The following BCAT1 variants were observed in gnomAD, a reference collection of about 807,000 sequenced individuals.
BCAT1 encodes branched-chain-amino-acid aminotransferase, cytosolic.
Under a neutral mutation model 52.4 loss-of-function variants are expected in BCAT1, and 48 were observed. The observed-to-expected ratio is 0.92, with a 90% CI of 0.73 to 1.16. The LOEUF (loss-of-function observed/expected upper bound fraction) is 1.16, where lower values mean the gene tolerates loss of function less well. Among genes scored for constraint, BCAT1 ranks in the 50% most tolerant of loss-of-function variants. The pLI is 0.00. For missense variants in BCAT1, 451 were observed against 457.1 expected (o/e 0.99, Z 0.12); for synonymous variants, 167 against 161.3 (o/e 1.04, Z -0.27).
chr12:24,833,009 C>T, intron 8 of BCAT1, 146 bp from the exon 9 acceptor site: 1 of 836,296 alleles, frequency 1.2e-6, no homozygotes, highest in Non-Finnish European at 1.8e-6. Context: ...AGTGGCACAC[C>T]ATCTTACTGG....
At chr12:24,901,989 A>T (rs1031591145) in intron 1 of BCAT1, 104 bp from the exon 2 acceptor site, 3 of 1,602,476 alleles carry the variant, frequency 1.9e-6, no homozygotes, top group African/African-American at 2.7e-5. Flanking sequence ...CCTCTCCAGG[A>T]CCCAGGCAAA....
At chr12:24,852,859 G>A (rs971546657) in intron 5 of BCAT1, among the ~76,000 whole-genome samples, 17 of 152,116 alleles carry the variant, frequency 1.1e-4, no homozygotes, top group African/African-American at 3.9e-4. Context: ...TCACAGACTA[G>A]TCACCTTCAT....
chr12:24,828,314 A>T lies in BCAT1; in HGVS notation c.1119+1509T>A, dbSNP rs578118918. On this transcript the variant is annotated intron_variant, in intron 10 of 10. Transcript: ENST00000261192. The stretch of plus-strand genomic sequence containing the variant: ...AAATTACAGGATAATCTCTTTTCTG[A>T]GTAGCCCAGTGTTATCTGGTATTTA... Among the ~76,000 whole-genome samples the T allele has an allele frequency of 3.3e-5, 5 of 152,352 alleles. No individual in the cohort carries two copies. In the East Asian group the frequency reaches 9.6e-4, roughly 29 times the overall value.
chr12:24,869,851 C>T (rs1942131532), intron 5 of BCAT1, among the ~76,000 whole-genome samples: 1 of 152,194 alleles, frequency 6.6e-6, no homozygotes, highest in Non-Finnish European at 1.5e-5. Flanking sequence ...TTTTCACTTT[C>T]ACTCTTTTCT....
At chr12:24,834,480 A>G (rs1484991021) in intron 8 of BCAT1, 5 of 980,302 alleles carry the variant, frequency 5.1e-6, no homozygotes, top group Non-Finnish European at 6.1e-6. Context: ...TTCAAGTTCA[A>G]AGTTTGTCAA....
intron 1 of BCAT1, among the ~76,000 whole-genome samples, chr12:24,920,185 T>C (rs191159547): frequency 6.6e-6 from 1 of 152,340 alleles, no homozygotes; most frequent in East Asian, 1.9e-4. Flanking sequence ...CAGGAAGATC[T>C]CAATCTGTGT....
intron 5 of BCAT1, among the ~76,000 whole-genome samples, chr12:24,858,391 A>G (rs1941754317): frequency 6.6e-6 from 1 of 152,244 alleles, no homozygotes; most frequent in South Asian, 2.1e-4. Flanking sequence ...AATCAAATAT[A>G]TTGGTAAAAT....
At chr12:24,819,552 T>G (rs139929226) in intron 10 of BCAT1, among the ~76,000 whole-genome samples, 128 of 152,288 alleles carry the variant, frequency 8.4e-4, no homozygotes, top group Middle Eastern at 3.4e-3. Flanking sequence ...GAGCAATGAA[T>G]TTTAATCCAA....
intron 7 of BCAT1, among the ~76,000 whole-genome samples, chr12:24,837,436 ATTTT>A (rs35427447): frequency 8.2e-5 from 10 of 121,898 alleles, no homozygotes; most frequent in Admixed American, 8.5e-5. Flanking sequence ...GGAAAGTCTA[ATTTT>A]TTTTTTTTTT....
chr12:24,938,037 C>T (rs575065627), intron 1 of BCAT1, among the ~76,000 whole-genome samples: 2 of 152,120 alleles, frequency 1.3e-5, no homozygotes, highest in South Asian at 4.2e-4. Context: ...TCCACATGCA[C>T]CTTAAAATAA....
At chr12:24,830,706 AAAT>A (rs1297636386) in intron 9 of BCAT1, 1 of 152,238 alleles carries the variant, frequency 6.6e-6, no homozygotes, top group African/African-American at 2.4e-5. Flanking sequence ...TCTAGAAGTG[AAAT>A]AATAATTCAA....
chr12:24,880,560 C>T (rs1942463567), intron 4 of BCAT1, among the ~76,000 whole-genome samples: 1 of 152,142 alleles, frequency 6.6e-6, no homozygotes, highest in Non-Finnish European at 1.5e-5. Context: ...ATCTTTTTAT[C>T]TCAAAACATT....
intron 3 of BCAT1, among the ~76,000 whole-genome samples, chr12:24,893,819 GCT>G (rs1491187360): frequency 1.3e-5 from 2 of 152,262 alleles, no homozygotes; most frequent in South Asian, 4.2e-4. Flanking sequence ...TCAACTCATG[GCT>G]GAAGGAGGAC....
At chr12:24,818,196 A>T in intron 10 of BCAT1, 147 bp from the exon 11 acceptor site, 1 of 743,506 alleles carries the variant, frequency 1.3e-6, no homozygotes, top group Non-Finnish European at 2.3e-6. Flanking sequence ...TCACATTAAA[A>T]ACTGGATTAG....
chr12:24,893,727 G>C (rs1306441999), intron 3 of BCAT1, among the ~76,000 whole-genome samples: 1 of 152,170 alleles, frequency 6.6e-6, no homozygotes, highest in Non-Finnish European at 1.5e-5. Context: ...ACAATGGGAA[G>C]TATACTGTGC....
intron 6 of BCAT1, among the ~76,000 whole-genome samples, chr12:24,844,001 C>G (rs569662917): frequency 6.6e-6 from 1 of 152,250 alleles, no homozygotes; most frequent in East Asian, 1.9e-4. Flanking sequence ...CCTAGGCCAA[C>G]ATGGAGCCAG....
At position 24,878,590 on chromosome 12, in the gene BCAT1, T is replaced by G. The variant is rs1419760722; in HGVS notation, c.450A>C (p.Glu150Asp). The change falls in exon 5 of 11, where the codon GAA becomes GAC. Residue 150 changes from glutamate to aspartate, a missense_variant. Transcript: ENST00000261192. The part of the protein sequence containing the change: ...CIQQLVKLDQ[E>D]WVPYSTSASL... ...TAGCAGATGTTGAATATGGGACCCA[T>G]TCTTGATCCAATTTCACAAGCTGTT... 6.2e-7 allele frequency: 1 copy of G among 1,610,502 alleles called. No homozygotes were observed. The highest frequency in any genetic ancestry group is 2.2e-5 in the East Asian group (1 of 44,804).
chr12:24,932,150 A>G (rs554042415), intron 1 of BCAT1, among the ~76,000 whole-genome samples: 43 of 152,320 alleles, frequency 2.8e-4, no homozygotes, highest in Middle Eastern at 3.4e-3. Flanking sequence ...GTATAAGGGG[A>G]AAAAAATGTA....
intron 5 of BCAT1, among the ~76,000 whole-genome samples, chr12:24,853,588 A>C (rs545117938): frequency 6.6e-6 from 1 of 152,106 alleles, no homozygotes; most frequent in Non-Finnish European, 1.5e-5. Context: ...GTAACTCCTG[A>C]CTCTCACATA....
Sources: allele counts gnomAD v4.1 joint callset (sites outside exome capture counted in the v4.1 genomes callset), GRCh38; gene constraint gnomAD v4.1.1; transcripts MANE v1.5; gene names NCBI Gene and HGNC (gene_info 2026-07-23, HGNC 2026-07-21).